PHF2: variants seen among roughly 807,000 people sequenced by gnomAD.
PHF2 encodes lysine-specific demethylase PHF2.
Under a neutral mutation model 120.5 loss-of-function variants are expected in PHF2, and 27 were observed. The observed-to-expected ratio is 0.22, with a 90% CI of 0.17 to 0.31. The LOEUF is 0.31. Ranked by LOEUF, PHF2 falls within the 10% of genes least tolerant of loss-of-function variation. PHF2 has a pLI of 1.00. For synonymous variants in PHF2, 568 were observed against 592.5 expected (o/e 0.96, Z 0.60); for missense variants, 1,024 against 1,434.8 (o/e 0.71, Z 4.63).
intron 3 of PHF2, among the ~76,000 whole-genome samples, chr9:93,640,526 A>G (rs967179266): frequency 6.6e-6 from 1 of 151,822 alleles, no homozygotes; most frequent in Admixed American, 6.6e-5. Context: ...TACTTTTATT[A>G]TTGTTTTTTA....
At position 93,677,975 on chromosome 9, in the gene PHF2, G is replaced by A. The variant is rs575108428; in HGVS notation, c.*299G>A. The stretch of plus-strand genomic sequence containing the variant: ...AGGACAGCCTTCAGGCCCCCTGAGC[G>A]TGGGTGTGATTGCAGGGCCTCTGCA... On this transcript the variant is annotated 3_prime_UTR_variant, in exon 22 of 22. Transcript: ENST00000359246. This position sits in a 1 kb window ranked among gnomAD's most constrained non-coding sequence, Gnocchi z 4.4. The A allele has an allele frequency of 5.9e-4, 210 of 355,510 alleles. No homozygotes were observed. The South Asian group carries it at 7.8e-3, about 13-fold the overall frequency. The allele number at this position is 355,510 out of a possible 1,614,324, so 22.0% of individuals were successfully genotyped here. A position where few individuals can be genotyped will look rare whatever the true frequency, so the allele number is the denominator to read the frequency against.
In PHF2 at chr9:93,677,846, C is replaced by T. The variant is rs558318368; in HGVS notation, c.*170C>T. ...CCTTCAGCCGGCAGAGCGAGCCCAG[C>T]GTGGCCCCTCAATTTGAAAATGGAC... On this transcript the variant is annotated 3_prime_UTR_variant, in exon 22 of 22. Transcript: ENST00000359246. The surrounding 1 kb of genome is among the most constrained non-coding windows in gnomAD (Gnocchi z 4.4). 13 of 592,680 alleles carry T rather than the reference C, an allele frequency of 2.2e-5. No homozygotes were observed. The highest frequency in any genetic ancestry group is 3.3e-5 in the Non-Finnish European group (11 of 330,522). 36.7% of individuals were successfully genotyped at this position (592,680 alleles called of 1,614,324 possible). A position where few individuals can be genotyped will look rare whatever the true frequency, so the allele number is the denominator to read the frequency against.
At position 93,661,942 on chromosome 9, in the gene PHF2, T is replaced by C. The variant is rs184684411; in HGVS notation, c.1699-965T>C. Among the ~76,000 whole-genome samples, 13 of 150,454 alleles carry C rather than the reference T, an allele frequency of 8.6e-5. No homozygotes were observed. In the East Asian group the frequency reaches 2.6e-3, roughly 30 times the overall value. ...ATGAAAAAATGGATGGATGGATGAA[T>C]AAATGGATAGATGAATGGATGGAAA... is the stretch of plus-strand genomic sequence containing the variant. On this transcript the variant is annotated intron_variant, in intron 12 of 21. Transcript: ENST00000359246.
At chr9:93,653,437 C>A in intron 6 of PHF2, 72 bp downstream of exon 6, 1 of 1,501,078 alleles carries the variant, frequency 6.7e-7, no homozygotes, top group Non-Finnish European at 9.2e-7. Flanking sequence ...TCTGCAGTCC[C>A]CACAAGCCCT....
chr9:93,677,060 C>T lies in PHF2; in HGVS notation c.3202+97C>T, dbSNP rs1826931458. The T allele has an allele frequency of 4.5e-6, 6 of 1,345,608 alleles. No homozygotes were observed. The South Asian group carries it at 9.3e-5, about 21-fold the overall frequency. The allele number at this position is 1,345,608 out of a possible 1,614,324, so 83.4% of individuals were successfully genotyped here. A position where few individuals can be genotyped will look rare whatever the true frequency, so the allele number is the denominator to read the frequency against. ...AGACTCGGCCCATGGTAGAGGGCAG[C>T]ACATTGGGAGGGCTCCTGGGCCTTG... On this transcript the variant is annotated intron_variant, in intron 21 of 21. Coordinates refer to ENST00000359246, the MANE Select transcript of PHF2 (RefSeq NM_005392.4). This position sits in a 1 kb window ranked among gnomAD's most constrained non-coding sequence, Gnocchi z 4.4.
At position 93,665,769 on chromosome 9, in the gene PHF2, G is replaced by C. The variant is rs758091302; in HGVS notation, c.2021G>C (p.Arg674Pro). 6.2e-7 allele frequency: 1 copy of C among 1,614,160 alleles called. No individual in the cohort carries two copies. The highest frequency in any genetic ancestry group is 1.7e-5 in the Admixed American group (1 of 60,036). The change falls in exon 15 of 22, where the codon CGG (arginine) becomes CCG (proline). Residue 674 changes from arginine to proline, a missense_variant. Transcript: ENST00000359246. ...AAGGAGGACAAGCCCAAGCCCGTGCGGGATGAGTATGAGTACGTGTCGGAT... is the reference window on the plus strand; with the variant it reads ...AAGGAGGACAAGCCCAAGCCCGTGCCGGATGAGTATGAGTACGTGTCGGAT... ...NFKEDKPKPV[R>P]DEYEYVSDDG...
intron 17 of PHF2, 54 bp from the exon 18 acceptor site, chr9:93,673,531 C>T (rs1826847788): frequency 4.7e-6 from 7 of 1,480,854 alleles, no homozygotes; most frequent in Non-Finnish European, 6.3e-6. Context: ...GTTTAAGTGC[C>T]TGGGCTGCAG....
At chr9:93,627,014 T>C (rs1825924616) in intron 1 of PHF2, among the ~76,000 whole-genome samples, 1 of 152,256 alleles carries the variant, frequency 6.6e-6, no homozygotes, top group African/African-American at 2.4e-5. Context: ...GTGTAAGTTT[T>C]CTTAGCTTTT....
At chr9:93,646,898 C>A (rs2398855) in intron 4 of PHF2, among the ~76,000 whole-genome samples, 84,988 of 151,936 alleles carry the variant, frequency 0.56, 24,180 homozygotes, top group Non-Finnish European at 0.59. Context: ...TGTCCATGCA[C>A]AGGGGCTGAT....
Position 93,679,046 on chromosome 9 carries a change from G to T in PHF2, c.*1370G>T. 1 of 336,998 alleles carries T rather than the reference G, an allele frequency of 3.0e-6. No individual in the cohort carries two copies. The highest frequency in any genetic ancestry group is 5.8e-6 in the Non-Finnish European group (1 of 173,580). The allele number at this position is 336,998 out of a possible 1,614,324, so 20.9% of individuals were successfully genotyped here. On this transcript the variant is annotated 3_prime_UTR_variant, in exon 22 of 22. Transcript: ENST00000359246. ...CAGCTCTTTGTTTTCCTTGTATGAT[G>T]AGGGGATTGGGGGATACAGTTATTT...
At chr9:93,614,806 ATAG>A (rs1441749121) in intron 1 of PHF2, among the ~76,000 whole-genome samples, 6 of 152,030 alleles carry the variant, frequency 3.9e-5, no homozygotes, top group South Asian at 2.1e-4. Flanking sequence ...GATGGTAATG[ATAG>A]TGATGGTGGT....
chr9:93,654,635 C>T (rs1486973608), intron 7 of PHF2, 60 bp downstream of exon 7: 13 of 1,515,234 alleles, frequency 8.6e-6, no homozygotes, highest in South Asian at 1.1e-5. Context: ...ATCAAGCTTA[C>T]TGCCCTGTCC....
rs571794714 is a variant in PHF2 at position 93,639,458 on chromosome 9, GT to G, written c.299+2942del. On this transcript the variant is annotated intron_variant, in intron 3 of 21. Coordinates refer to ENST00000359246, the MANE Select transcript of PHF2 (RefSeq NM_005392.4). ...CTGAACTAGTTTATTAGTTCTAATAGTTTTTTTTTAGAGGGTTCCTTAGTAT... is the reference window on the plus strand; with the variant it reads ...CTGAACTAGTTTATTAGTTCTAATAGTTTTTTTTAGAGGGTTCCTTAGTAT... Among the ~76,000 whole-genome samples, 23 of 151,290 alleles carry G rather than the reference GT, an allele frequency of 1.5e-4. 1 individual carries two copies. In the East Asian group the frequency reaches 2.1e-3, roughly 14 times the overall value.
rs1248611665 is a variant in PHF2, at chr9:93,608,143, TGA to T, written c.99-21823_99-21822del. ...TTCCAGGACAGTGTTGGAAAACTGG[TGA>T]GAGGGACATCCTTGCCTTTTTCCTG... is the stretch of plus-strand genomic sequence containing the variant. On this transcript the variant is annotated intron_variant, in intron 1 of 21. Coordinates refer to ENST00000359246, the MANE Select transcript of PHF2 (RefSeq NM_005392.4). Among the ~76,000 whole-genome samples the T allele has an allele frequency of 2.0e-5, 3 of 152,070 alleles. No homozygotes were observed. In the East Asian group the frequency reaches 5.8e-4, roughly 29 times the overall value.
chr9:93,576,743 G>A lies in PHF2; in HGVS notation c.-31G>A. ...CCGGACCGACCCGGGCAGCGCAGCG[G>A]CGGGGCCGAGCGGCGGCGCGGCGCG... On this transcript the variant is annotated 5_prime_UTR_variant, in exon 1 of 22. Coordinates refer to ENST00000359246, the MANE Select transcript of PHF2 (RefSeq NM_005392.4). 6 of 1,115,578 alleles carry A rather than the reference G, an allele frequency of 5.4e-6. No individual in the cohort carries two copies. The highest frequency in any genetic ancestry group is 6.8e-6 in the Non-Finnish European group (6 of 882,428). The allele number at this position is 1,115,578 out of a possible 1,614,324, so 69.1% of individuals were successfully genotyped here.
chr9:93,671,773 T>A (rs1587721702), intron 17 of PHF2, among the ~76,000 whole-genome samples: 3 of 127,808 alleles, frequency 2.3e-5, no homozygotes, highest in East Asian at 2.6e-4. Context: ...TGGGTGTGGA[T>A]GTAGGTACAG....
At chr9:93,620,134 C>A (rs1825801543) in intron 1 of PHF2, among the ~76,000 whole-genome samples, 1 of 152,230 alleles carries the variant, frequency 6.6e-6, no homozygotes, top group African/African-American at 2.4e-5. Context: ...CCGGGACAGA[C>A]CTGCAGGGCC....
At chr9:93,628,203 G>C (rs1825944698) in intron 1 of PHF2, among the ~76,000 whole-genome samples, 3 of 152,132 alleles carry the variant, frequency 2.0e-5, no homozygotes, top group Non-Finnish European at 2.9e-5. Flanking sequence ...AGAGATACTG[G>C]TCTGTAGTTT....
chr9:93,663,767 TCA>T lies in PHF2; in HGVS notation c.1937+140_1937+141del, dbSNP rs56951431. The T allele has an allele frequency of 8.7e-6, 5 of 573,028 alleles. No individual in the cohort carries two copies. In the African/African-American group the frequency reaches 9.4e-5, roughly 11 times the overall value. The allele number at this position is 573,028 out of a possible 1,614,324, so 35.5% of individuals were successfully genotyped here. ...ACACACTATGCATGCACTCTGCATC[TCA>T]CACACACCACACACTGCATCACACA... On this transcript the variant is annotated intron_variant, in intron 14 of 21. Coordinates refer to ENST00000359246, the MANE Select transcript of PHF2 (RefSeq NM_005392.4).
Sources: allele counts gnomAD v4.1 joint callset (sites outside exome capture counted in the v4.1 genomes callset), GRCh38; gene constraint gnomAD v4.1.1; non-coding constraint Gnocchi (gnomAD v3.1); transcripts MANE v1.5; gene names NCBI Gene and HGNC (gene_info 2026-07-23, HGNC 2026-07-21).